Variants in F2RL2 observed in about 807,000 individuals in gnomAD.
The protein encoded by F2RL2 is proteinase-activated receptor 3.
In F2RL2, 4 loss-of-function variants were observed where a neutral mutation model predicts 4.3. That is an observed-to-expected ratio of 0.93 (90% CI 0.46 to 2.12). F2RL2 has a LOEUF of 2.12. F2RL2 is among the 30% of genes most tolerant of loss of function. The probability of loss-of-function intolerance (pLI) is 0.02; values close to 1 mark genes in which losing one functional copy is unlikely to be tolerated. For missense variants in F2RL2, 408 were observed against 449.3 expected, an observed-to-expected ratio of 0.91 and a Z score of 0.83; for synonymous variants, 166 against 170.9, an observed-to-expected ratio of 0.97 and a Z score of 0.22.
At position 76,620,092 on chromosome 5, in the gene F2RL2, G is replaced by A. The variant is rs557470154; in HGVS notation, c.65-1450C>T. Among the ~76,000 whole-genome samples, 10 of 152,250 alleles carry A rather than the reference G, an allele frequency of 6.6e-5. No individual in the cohort carries two copies. The South Asian group carries it at 2.1e-3, about 32-fold the overall frequency. The stretch of plus-strand genomic sequence containing the variant: ...TTGATTTTAAGACCTCTGATCTCCA[G>A]AAATATAATCTGTTATTTTAAGCCA... On this transcript the variant is annotated intron_variant, in intron 1 of 1. Transcript: ENST00000296641.
At chr5:76,619,629 G>C (rs1749413056) in intron 1 of F2RL2, among the ~76,000 whole-genome samples, 1 of 149,288 alleles carries the variant, frequency 6.7e-6, no homozygotes, top group Admixed American at 6.8e-5. Context: ...CCATTCTCCT[G>C]CCTCAGCCTC....
rs532074209 is a variant in F2RL2 at position 76,618,441 on chromosome 5, G to A, written c.266C>T (p.Thr89Ile). ...HVKNATMGYL[T>I]SSLSTKLIPA... is the part of the protein sequence containing the mutation. Reference sequence around the variant, plus strand: ...TATCAGTTTAGTACTTAAGGAGCTGGTCAGGTACCCCATGGTAGCATTTTT... The same window carrying A: ...TATCAGTTTAGTACTTAAGGAGCTGATCAGGTACCCCATGGTAGCATTTTT... Residue 89 changes from threonine to isoleucine, a missense_variant, in exon 2 of 2, where the codon ACC becomes ATC. Transcript: ENST00000296641. 6.2e-7 allele frequency: 1 copy of A among 1,614,216 alleles called. No individual in the cohort carries two copies.
At position 76,623,286 on chromosome 5, in the gene F2RL2, C is replaced by T. The variant is rs904459722; in HGVS notation, c.-56G>A. 2.6e-5 allele frequency: 41 copies of T among 1,587,642 alleles called. 1 individual carries two copies. Among genetic ancestry groups the T allele is most frequent in the East Asian group, 2.0e-4 (9 of 44,760 alleles). The stretch of plus-strand genomic sequence containing the variant: ...TTATGAAATCTGTAAAATCATGGAG[C>T]ACAATTTCACCTCAGTTCCATGTGT... On this transcript the variant is annotated 5_prime_UTR_variant, in exon 1 of 2. Coordinates refer to ENST00000296641, the MANE Select transcript of F2RL2 (RefSeq NM_004101.4).
rs545549597 is a variant in F2RL2, at chr5:76,619,692, A to AT, written c.65-1051dup. ...CCACCAGGCCTGGCTAATTTTTTGT[A>AT]TTTTTTTAGTAGAGACAGGGTTTCA... On this transcript the variant is annotated intron_variant, in intron 1 of 1. Transcript: ENST00000296641. Among the ~76,000 whole-genome samples the AT allele has an allele frequency of 1.7e-3, 251 of 151,616 alleles. 1 individual carries two copies. Among genetic ancestry groups the AT allele is most frequent in the African/African-American group, 5.8e-3 (240 of 41,354 alleles).
rs1392198321 is a variant in F2RL2, at chr5:76,618,425, A to G, written c.282T>C (p.Thr94=). 1 of 1,614,104 alleles carries G rather than the reference A, an allele frequency of 6.2e-7. No homozygotes were observed. The highest frequency in any genetic ancestry group is 1.3e-5 in the African/African-American group (1 of 74,940). Residue 94 remains threonine (T), a synonymous_variant, in exon 2 of 2, where the codon ACT becomes ACC. Transcript: ENST00000296641. The stretch of plus-strand genomic sequence containing the variant: ...GGAGGTAGATGGCAGGTATCAGTTT[A>G]GTACTTAAGGAGCTGGTCAGGTACC... ...TMGYLTSSLS[T]KLIPAIYLLV... is the part of the protein sequence containing the mutation.
chr5:76,617,114 C>T lies in F2RL2; in HGVS notation c.*468G>A, dbSNP rs1749053856. The T allele has an allele frequency of 6.4e-6, 1 of 155,296 alleles. No homozygotes were observed. Among genetic ancestry groups the T allele is most frequent in the Admixed American group, 6.3e-5 (1 of 15,990 alleles). The allele number at this position is 155,296 out of a possible 1,614,324, so 9.6% of individuals were successfully genotyped here. ...TAGAGTTGTGATATCTTTTCTCCTG[C>T]ATTAACATTTTTAAAATACTGATAA... is the stretch of plus-strand genomic sequence containing the variant. On this transcript the variant is annotated 3_prime_UTR_variant, in exon 2 of 2. Transcript: ENST00000296641.
rs779685516 is a variant in F2RL2 at position 76,618,117 on chromosome 5, T to A, written c.590A>T (p.His197Leu). 6.2e-7 allele frequency: 1 copy of A among 1,614,126 alleles called. No homozygotes were observed. The highest frequency in any genetic ancestry group is 1.7e-5 in the Admixed American group (1 of 60,014). ...ISINRYLAIV[H>L]PFTYRGLPKH... ...GGGCAGGCCCCGGTAGGTGAAAGGA[T>A]GGACGATGGCCAGGTAGCGGTTGAT... The change falls in exon 2 of 2, where the codon CAT becomes CTT. Residue 197 changes from histidine to leucine, a missense_variant. By Grantham distance (99) the His-to-Leu change is moderately conservative (BLOSUM62 -3). Transcript: ENST00000296641.
chr5:76,617,584 A>G lies in F2RL2; in HGVS notation c.1123T>C (p.Ter375GlnextTer1), dbSNP rs542832114. 2.5e-6 allele frequency: 4 copies of G among 1,604,134 alleles called. No individual in the cohort carries two copies. The highest frequency in any genetic ancestry group is 3.4e-6 in the Non-Finnish European group (4 of 1,174,946). ...RNHSTAYLTK[*>Q] ...CCTTGTTCTCTAAGATCATTTCACT[A>G]TTTTGTAAGGTAAGCAGTGGAGTGA... The change falls in exon 2 of 2, where the codon TAG becomes CAG. Residue 375 changes from the stop codon to glutamine (Q), a stop_lost. Coordinates refer to ENST00000296641, the MANE Select transcript of F2RL2 (RefSeq NM_004101.4).
rs140813985 is a variant in F2RL2, at chr5:76,618,573, G to A, written c.134C>T (p.Pro45Leu). The change falls in exon 2 of 2, where the codon CCA becomes CTA. Residue 45 changes from proline to leucine, a missense_variant. Physicochemically the swap from Pro to Leu is moderately conservative, Grantham distance 98 (BLOSUM62 -3). Coordinates refer to ENST00000296641, the MANE Select transcript of F2RL2 (RefSeq NM_004101.4). The stretch of plus-strand genomic sequence containing the variant: ...AAAGGGGAACTCTTCAAAAGAATTT[G>A]GGGGAGCTCCACGAAAGGTCTTAAT... ...LPIKTFRGAP[P>L]NSFEEFPFSA... 18 of 1,613,916 alleles carry A rather than the reference G, an allele frequency of 1.1e-5. No individual in the cohort carries two copies. The African/African-American group carries it at 2.3e-4, about 20-fold the overall frequency.
chr5:76,622,007 A>T (rs943267370), intron 1 of F2RL2, among the ~76,000 whole-genome samples: 10 of 152,084 alleles, frequency 6.6e-5, no homozygotes, highest in African/African-American at 2.2e-4. Flanking sequence ...ACCTCTAGAG[A>T]CAGAAACTAA....
Position 76,623,312 on chromosome 5 carries a change from C to G in F2RL2, c.-82G>C. On this transcript the variant is annotated 5_prime_UTR_variant, in exon 1 of 2. Transcript: ENST00000296641. ...ACAATTTCACCTCAGTTCCATGTGTCAGCAGCAAATGGAAGCCTTGGTCTG... is the reference window on the plus strand; with the variant it reads ...ACAATTTCACCTCAGTTCCATGTGTGAGCAGCAAATGGAAGCCTTGGTCTG... The G allele has an allele frequency of 6.6e-7, 1 of 1,515,946 alleles. No homozygotes were observed. The highest frequency in any genetic ancestry group is 9.1e-7 in the Non-Finnish European group (1 of 1,093,042). 93.9% of individuals were successfully genotyped at this position (1,515,946 alleles called of 1,614,324 possible). A position where few individuals can be genotyped will look rare whatever the true frequency, so the allele number is the denominator to read the frequency against.
chr5:76,619,051 A>T (rs1179846723), intron 1 of F2RL2, among the ~76,000 whole-genome samples: 1 of 152,216 alleles, frequency 6.6e-6, no homozygotes, highest in Non-Finnish European at 1.5e-5. Context: ...ATGGAATTTA[A>T]TGAGTAAGAT....
Position 76,617,880 on chromosome 5 carries a change from A to C in F2RL2, c.827T>G (p.Val276Gly). ...LAFFGFLIPF[V>G]LIIYCYAAII... ...GGCTGCATAGCAGTAGATGATAAGC[A>C]CAAATGGAATTAAGAATCCAAAGAA... The change falls in exon 2 of 2, where the codon GTG becomes GGG. Residue 276 changes from valine to glycine, a missense_variant. Coordinates refer to ENST00000296641, the MANE Select transcript of F2RL2 (RefSeq NM_004101.4). The C allele has an allele frequency of 6.2e-7, 1 of 1,614,162 alleles. No individual in the cohort carries two copies. The highest frequency in any genetic ancestry group is 8.5e-7 in the Non-Finnish European group (1 of 1,180,014).
intron 1 of F2RL2, among the ~76,000 whole-genome samples, chr5:76,620,436 T>A (rs1487411507): frequency 6.6e-6 from 1 of 152,096 alleles, no homozygotes; most frequent in Non-Finnish European, 1.5e-5. Flanking sequence ...CTACTCTAGA[T>A]GACTTGGAGG....
At position 76,617,951 on chromosome 5, in the gene F2RL2, G is replaced by T. The variant is rs746156972; in HGVS notation, c.756C>A (p.Cys252Ter). 2.5e-6 allele frequency: 4 copies of T among 1,613,958 alleles called. No individual in the cohort carries two copies. Among genetic ancestry groups the T allele is most frequent in the South Asian group, 1.1e-5 (1 of 91,082 alleles). The change falls in exon 2 of 2, where the codon TGC becomes TGA. Residue 252 changes from cysteine (C) to a stop codon, truncating the protein, a stop_gained. Transcript: ENST00000296641. LOFTEE classifies it low-confidence loss of function (END_TRUNC). ...AGAGTTGGAAGGGAGATGAGGACTC[G>T]CAAGTGTTGTGAACATCATGGCAGG... ...ITTCHDVHNT[C>*]ESSSPFQLYY...
At chr5:76,619,139 A>G (rs1156885852) in intron 1 of F2RL2, among the ~76,000 whole-genome samples, 1 of 152,230 alleles carries the variant, frequency 6.6e-6, no homozygotes, top group Admixed American at 6.5e-5. Flanking sequence ...TGATTTAGCA[A>G]ATTTTTATTG....
chr5:76,618,336 C>T lies in F2RL2; in HGVS notation c.371G>A (p.Arg124Lys). 6.2e-7 allele frequency: 1 copy of T among 1,614,154 alleles called. No individual in the cohort carries two copies. Among genetic ancestry groups the T allele is most frequent in the Non-Finnish European group, 8.5e-7 (1 of 1,180,028 alleles). The change falls in exon 2 of 2, where the codon AGA becomes AAA. Residue 124 changes from arginine (R) to lysine (K), a missense_variant. Arg to Lys is a conservative substitution (Grantham distance 26). Transcript: ENST00000296641. ...VTLWMLFFRT[R>K]SICTTVFYTN... is the part of the protein sequence containing the mutation. ...GTAGAATACAGTGGTACAGATGGAT[C>T]TGGTCCTGAAGAAAAGCATCCACAG...
At chr5:76,621,836 G>T (rs567289537) in intron 1 of F2RL2, among the ~76,000 whole-genome samples, 5 of 152,152 alleles carry the variant, frequency 3.3e-5, no homozygotes, top group African/African-American at 1.2e-4. Flanking sequence ...TAATATTTCG[G>T]AAATGTTTTT....
At chr5:76,620,485 G>A (rs905150470) in intron 1 of F2RL2, among the ~76,000 whole-genome samples, 11 of 152,180 alleles carry the variant, frequency 7.2e-5, no homozygotes, top group Admixed American at 2.0e-4. Flanking sequence ...GAGACAAGGA[G>A]ACAGGATCGG....
Sources: gnomAD v4.1 joint callset for allele counts (sites outside exome capture counted in the v4.1 genomes callset) on GRCh38, gnomAD v4.1.1 for gene constraint, MANE v1.5 for transcripts, NCBI Gene and HGNC (gene_info 2026-07-23, HGNC 2026-07-21) for gene names.